TMEM117: variants seen among roughly 807,000 people sequenced by gnomAD.
TMEM117 encodes the protein transmembrane protein 117.
A neutral mutation model predicts 52.4 loss-of-function variants in TMEM117; 27 were observed. The observed-to-expected ratio is 0.51, with a 90% CI of 0.38 to 0.71. The LOEUF (loss-of-function observed/expected upper bound fraction) is 0.71, where lower values mean the gene tolerates loss of function less well. Among genes scored for constraint, TMEM117 ranks in the 30% least tolerant of loss-of-function variants. TMEM117 has a pLI of 0.00. For missense variants in TMEM117, 556 were observed against 630.5 expected (o/e 0.88, Z 1.26); for synonymous variants, 215 against 206.3 (o/e 1.04, Z -0.36).
chr12:44,192,149 G>T (rs554582284), intron 4 of TMEM117, among the ~76,000 whole-genome samples: 1 of 152,284 alleles, frequency 6.6e-6, no homozygotes, highest in African/African-American at 2.4e-5. Flanking sequence ...AATGTGGGAA[G>T]TGGGTTTGGG....
At chr12:43,945,976 T>C (rs1419959833) in intron 3 of TMEM117, among the ~76,000 whole-genome samples, 2 of 152,224 alleles carry the variant, frequency 1.3e-5, no homozygotes, top group African/African-American at 2.4e-5. Flanking sequence ...ACATTTCACA[T>C]GTTTTATATT....
At chr12:44,289,656 G>C (rs369830601) in intron 5 of TMEM117, among the ~76,000 whole-genome samples, 1 of 149,362 alleles carries the variant, frequency 6.7e-6, no homozygotes, top group South Asian at 2.1e-4. Context: ...AGGTTCAAGC[G>C]ATTCTCCTGC....
chr12:44,065,780 A>C (rs1565620), intron 3 of TMEM117, among the ~76,000 whole-genome samples: 24,439 of 152,162 alleles, frequency 0.16, 2,962 homozygotes, highest in African/African-American at 0.34. Flanking sequence ...TACAGATAAA[A>C]ATACCTAGCT....
At chr12:44,055,605 C>T (rs941542827) in intron 3 of TMEM117, among the ~76,000 whole-genome samples, 2 of 152,076 alleles carry the variant, frequency 1.3e-5, no homozygotes, top group Non-Finnish European at 2.9e-5. Flanking sequence ...GTGTGCCGCT[C>T]TTTTTGTGTC....
At chr12:44,251,052 A>G (rs919030443) in intron 5 of TMEM117, among the ~76,000 whole-genome samples, 6 of 152,082 alleles carry the variant, frequency 3.9e-5, no homozygotes, top group Admixed American at 1.3e-4. Flanking sequence ...TGGTCACATG[A>G]TTGCTCTGGT....
At chr12:44,234,033 TC>T (rs1949963977) in intron 5 of TMEM117, among the ~76,000 whole-genome samples, 1 of 151,432 alleles carries the variant, frequency 6.6e-6, no homozygotes. Context: ...AGTTTTTGCC[TC>T]TAGGTTCATA....
chr12:43,932,295 T>G (rs1434929134), intron 2 of TMEM117, among the ~76,000 whole-genome samples: 2 of 151,518 alleles, frequency 1.3e-5, no homozygotes, highest in Non-Finnish European at 2.9e-5. Context: ...ATAAAAATTC[T>G]TTGGTAGTCA....
intron 3 of TMEM117, among the ~76,000 whole-genome samples, chr12:44,014,810 A>C (rs1450727470): frequency 6.6e-6 from 1 of 151,596 alleles, no homozygotes; most frequent in Admixed American, 6.6e-5. Context: ...CCTTACTCTG[A>C]TCTTTCCTTA....
At chr12:43,837,588 G>T (rs543752259) in intron 1 of TMEM117, among the ~76,000 whole-genome samples, 8 of 152,188 alleles carry the variant, frequency 5.3e-5, no homozygotes, top group African/African-American at 2.4e-5. Context: ...TTCGTGATCC[G>T]CCCGCCTTGG....
intron 5 of TMEM117, among the ~76,000 whole-genome samples, chr12:44,245,874 G>A (rs1354455451): frequency 2.0e-5 from 3 of 152,032 alleles, no homozygotes; most frequent in Admixed American, 2.0e-4. Context: ...TTATTGGTTG[G>A]AAATGACCAT....
At chr12:43,933,604 G>A (rs4417371) in intron 2 of TMEM117, among the ~76,000 whole-genome samples, 25,165 of 151,376 alleles carry the variant, frequency 0.17, 3,133 homozygotes, top group African/African-American at 0.34. Flanking sequence ...TCACTCTGTC[G>A]CCAGGCTGGG....
intron 3 of TMEM117, among the ~76,000 whole-genome samples, chr12:43,968,402 T>C (rs1004914177): frequency 6.6e-6 from 1 of 152,244 alleles, no homozygotes; most frequent in African/African-American, 2.4e-5. Context: ...TCTTGCATAT[T>C]TGACTTTTTC....
At chr12:43,810,410 A>G in the TMEM117 span, among the ~76,000 whole-genome samples, 4 of 152,146 alleles carry the variant, frequency 2.6e-5, no homozygotes, top group African/African-American at 7.2e-5. Flanking sequence ...TACAGGAGAT[A>G]TTATCTCATA....
chr12:44,182,847 T>G (rs898490571), intron 4 of TMEM117, among the ~76,000 whole-genome samples: 1 of 152,148 alleles, frequency 6.6e-6, no homozygotes, highest in Non-Finnish European at 1.5e-5. Context: ...AGAAATAACT[T>G]CATTTGATGT....
chr12:43,956,338 C>T (rs534749897), intron 3 of TMEM117, among the ~76,000 whole-genome samples: 1 of 152,070 alleles, frequency 6.6e-6, no homozygotes, highest in Non-Finnish European at 1.5e-5. Context: ...ATGAAACTAT[C>T]ATCAGAGTGA....
At chr12:43,937,128 A>G (rs1463712834) in intron 2 of TMEM117, among the ~76,000 whole-genome samples, 1 of 152,192 alleles carries the variant, frequency 6.6e-6, no homozygotes, top group Non-Finnish European at 1.5e-5. Context: ...AAGTTAGGAT[A>G]GTCATGAAGG....
At chr12:44,101,877 G>T (rs1947866919) in intron 3 of TMEM117, among the ~76,000 whole-genome samples, 1 of 151,930 alleles carries the variant, frequency 6.6e-6, no homozygotes, top group South Asian at 2.1e-4. Flanking sequence ...TACAGCAAGG[G>T]TAACTGTAAT....
At chr12:44,210,415 G>T (rs574428515) in intron 4 of TMEM117, among the ~76,000 whole-genome samples, 1 of 152,236 alleles carries the variant, frequency 6.6e-6, no homozygotes, top group Admixed American at 6.5e-5. Context: ...TGGTAGATGA[G>T]AAATGTACTT....
intron 6 of TMEM117, among the ~76,000 whole-genome samples, chr12:44,353,053 T>G (rs1951588607): frequency 6.6e-6 from 1 of 152,196 alleles, no homozygotes; most frequent in South Asian, 2.1e-4. Context: ...CCAGTGATGA[T>G]GAGCATTTTT....
Sources: allele counts gnomAD v4.1 joint callset (sites outside exome capture counted in the v4.1 genomes callset), GRCh38; gene constraint gnomAD v4.1.1; transcripts MANE v1.5; gene names NCBI Gene and HGNC (gene_info 2026-07-23, HGNC 2026-07-21).